COL13A1: variants seen among roughly 807,000 people sequenced by gnomAD.
COL13A1 encodes the protein collagen alpha-1(XIII) chain.
COL13A1 carries 89 observed loss-of-function variants against 130.9 expected under a neutral mutation model. The observed-to-expected ratio is 0.68, with a 90% CI of 0.57 to 0.81. The LOEUF is 0.81. Ranked by LOEUF, COL13A1 falls within the 30% of genes least tolerant of loss-of-function variation. The pLI is 0.00. For synonymous variants in COL13A1, 402 were observed against 341.6 expected, an observed-to-expected ratio of 1.18 and a Z score of -1.95; for missense variants, 879 against 934.6, an observed-to-expected ratio of 0.94 and a Z score of 0.78.
intron 23 of COL13A1, 25 bp from the exon 24 acceptor site, chr10:69,923,777 A>T: frequency 1.2e-6 from 2 of 1,604,760 alleles, no homozygotes; most frequent in Middle Eastern, 3.3e-4. Flanking sequence ...GCATGCCCTC[A>T]TCCCAACTCT....
intron 39 of COL13A1, chr10:69,955,104 C>T (rs1405673415): frequency 6.6e-6 from 1 of 152,162 alleles, no homozygotes. Context: ...CTCACATCCC[C>T]GCCCTGGGGT....
At position 69,921,972 on chromosome 10, in the gene COL13A1, G is replaced by A. The variant is rs530715854; in HGVS notation, c.1143+37G>A. 59 of 1,576,892 alleles carry A rather than the reference G, an allele frequency of 3.7e-5. No homozygotes were observed. In the Admixed American group the frequency reaches 5.1e-4, roughly 14 times the overall value. On this transcript the variant is annotated intron_variant, in intron 22 of 40. Coordinates refer to ENST00000645393, the MANE Select transcript of COL13A1 (RefSeq NM_001368882.1). ...TCTGAATGGAGGGTTCAAGTCCTTC[G>A]TCACCCACATCCCATACCTGGCCCT...
chr10:69,951,385 G>C (rs910740380), intron 38 of COL13A1, among the ~76,000 whole-genome samples: 1 of 151,606 alleles, frequency 6.6e-6, no homozygotes, highest in Non-Finnish European at 1.5e-5. Context: ...TTTCAGACAG[G>C]GTCTTGCTTT....
At chr10:69,904,898 CTT>C in intron 15 of COL13A1, 33 bp from the exon 16 acceptor site, 2 of 1,516,392 alleles carry the variant, frequency 1.3e-6, no homozygotes, top group South Asian at 1.2e-5. Context: ...CTCACCTTTT[CTT>C]TTTTCTTTTT....
chr10:69,864,735 A>G (rs12262462), intron 2 of COL13A1, among the ~76,000 whole-genome samples: 17,950 of 152,156 alleles, frequency 0.12, 1,290 homozygotes, highest in African/African-American at 0.19. Context: ...CATTTTGGGG[A>G]AGCATGGCCG....
chr10:69,806,680 T>C (rs572383556), intron 1 of COL13A1, among the ~76,000 whole-genome samples: 1 of 152,206 alleles, frequency 6.6e-6, no homozygotes, highest in African/African-American at 2.4e-5. Context: ...GGCAGCCGTG[T>C]GCAGTGAATG....
At chr10:69,819,638 G>A (rs972838181) in intron 1 of COL13A1, among the ~76,000 whole-genome samples, 9 of 152,264 alleles carry the variant, frequency 5.9e-5, no homozygotes, top group East Asian at 5.8e-4. Flanking sequence ...CTTGAGCTGA[G>A]AGCAGCTCCC....
intron 1 of COL13A1, among the ~76,000 whole-genome samples, chr10:69,807,541 A>C (rs4746914): frequency 0.021 from 3,143 of 152,316 alleles, 49 homozygotes; most frequent in Admixed American, 0.036. Flanking sequence ...GATATAGGGG[A>C]GGGATCAAAG....
intron 16 of COL13A1, 114 bp downstream of exon 16, chr10:69,905,073 A>G: frequency 8.2e-7 from 1 of 1,220,792 alleles, no homozygotes; most frequent in African/African-American, 1.5e-5. Flanking sequence ...CTCAGCTGAG[A>G]GACAGATCAA....
intron 2 of COL13A1, among the ~76,000 whole-genome samples, chr10:69,844,012 GA>G (rs1352696000): frequency 1.3e-5 from 2 of 152,172 alleles, no homozygotes; most frequent in Non-Finnish European, 2.9e-5. Context: ...TCGTCCAGGA[GA>G]GATGCCCACC....
At chr10:69,943,165 G>A (rs981295201) in intron 35 of COL13A1, among the ~76,000 whole-genome samples, 27 of 152,252 alleles carry the variant, frequency 1.8e-4, no homozygotes, top group African/African-American at 6.3e-4. Context: ...TCTTTCTGCT[G>A]TGCTATTATG....
At chr10:69,934,716 C>T (rs1223228804) in intron 31 of COL13A1, among the ~76,000 whole-genome samples, 1 of 152,236 alleles carries the variant, frequency 6.6e-6, no homozygotes, top group Non-Finnish European at 1.5e-5. Context: ...GTCAGAATCT[C>T]CTCTAGCACA....
At chr10:69,936,152 G>A (rs1289729289) in intron 32 of COL13A1, among the ~76,000 whole-genome samples, 1 of 4,260 alleles carries the variant, frequency 2.3e-4, no homozygotes, top group Non-Finnish European at 4.6e-3. Flanking sequence ...AAGGAAGGAA[G>A]GAAGGAAGGA....
At chr10:69,877,685 T>A (rs1487889726) in intron 5 of COL13A1, 25 of 108,952 alleles carry the variant, frequency 2.3e-4, no homozygotes, top group Middle Eastern at 2.8e-3. Context: ...TCTCTCTCTC[T>A]CTCTCTCTCT....
chr10:69,954,030 G>A (rs1227425076), intron 39 of COL13A1: 1 of 152,808 alleles, frequency 6.5e-6, no homozygotes, highest in African/African-American at 2.4e-5. Flanking sequence ...CCATTGGTAT[G>A]GCATTGCCCT....
At chr10:69,881,374 G>A (rs1031841526) in intron 7 of COL13A1, among the ~76,000 whole-genome samples, 3 of 152,128 alleles carry the variant, frequency 2.0e-5, no homozygotes, top group Admixed American at 6.5e-5. Context: ...GCAGGCCGCC[G>A]GCTCCACCTT....
At chr10:69,905,472 C>T (rs903618665) in intron 16 of COL13A1, among the ~76,000 whole-genome samples, 8 of 152,160 alleles carry the variant, frequency 5.3e-5, no homozygotes, top group African/African-American at 1.7e-4. Flanking sequence ...AAGCTAAGAG[C>T]CCTGTGGGAA....
At chr10:69,833,005 C>T (rs1849181560) in intron 2 of COL13A1, among the ~76,000 whole-genome samples, 1 of 152,232 alleles carries the variant, frequency 6.6e-6, no homozygotes. Flanking sequence ...CGAGGGGCAA[C>T]TGCAAGTGCC....
intron 10 of COL13A1, 73 bp downstream of exon 10, chr10:69,889,513 T>C: frequency 6.3e-7 from 1 of 1,574,988 alleles, no homozygotes. Flanking sequence ...AGCCAAGCAC[T>C]GCAAAGTGGG....
Sources: gnomAD v4.1 joint callset for allele counts (sites outside exome capture counted in the v4.1 genomes callset) on GRCh38, gnomAD v4.1.1 for gene constraint, MANE v1.5 for transcripts, NCBI Gene and HGNC (gene_info 2026-07-23, HGNC 2026-07-21) for gene names.